WBP2NL: variants seen among roughly 807,000 people sequenced by gnomAD.
WBP2NL encodes postacrosomal sheath WW domain-binding protein.
In WBP2NL, 27 loss-of-function variants were observed where a neutral mutation model predicts 23.3. The observed-to-expected ratio is 1.16, with a 90% CI of 0.85 to 1.60. The LOEUF (loss-of-function observed/expected upper bound fraction) is 1.60. Among genes scored for constraint, WBP2NL ranks in the 40% most tolerant of loss-of-function variants. The probability of loss-of-function intolerance (pLI) is 0.00; values close to 1 mark genes in which losing one functional copy is unlikely to be tolerated. For synonymous variants in WBP2NL, 151 were observed against 145.9 expected (o/e 1.03, Z -0.25); for missense variants, 370 against 389.5 (o/e 0.95, Z 0.42).
intron 5 of WBP2NL, among the ~76,000 whole-genome samples, chr22:42,025,394 GGCCCAA>G (rs2146798885): frequency 1.3e-5 from 2 of 152,208 alleles, no homozygotes; most frequent in African/African-American, 4.8e-5. Flanking sequence ...TTTTATATGT[GGCCCAA>G]GACAATTCTT....
At chr22:42,050,423 A>G (rs544601981) in intron 8 of WBP2NL, among the ~76,000 whole-genome samples, 2 of 152,254 alleles carry the variant, frequency 1.3e-5, no homozygotes, top group South Asian at 4.1e-4. Context: ...AGGCAGGCGG[A>G]TCACCTGAGG....
At chr22:42,033,628 G>C (rs1192416651), downstream of WBP2NL, among the ~76,000 whole-genome samples, 1 of 152,112 alleles carries the variant, frequency 6.6e-6, no homozygotes. Flanking sequence ...GCTCCTATCT[G>C]CAGGCAGGTC....
rs1206322834 is a variant in WBP2NL at position 42,027,340 on chromosome 22, A to T, written c.*159A>T. ...ATCTTATGGGGGAAGGTGAAACTTT[A>T]CTTCTGTGCCTAGATTTTAGAAGCA... On this transcript the variant is annotated 3_prime_UTR_variant, in exon 6 of 6. Coordinates refer to ENST00000328823, the MANE Select transcript of WBP2NL (RefSeq NM_152613.3). 8.9e-6 allele frequency: 8 copies of T among 900,928 alleles called. No individual in the cohort carries two copies. Among genetic ancestry groups the T allele is most frequent in the African/African-American group, 1.7e-5 (1 of 59,538 alleles). The allele number at this position is 900,928 out of a possible 1,614,324, so 55.8% of individuals were successfully genotyped here. A position where few individuals can be genotyped will look rare whatever the true frequency, so the allele number is the denominator to read the frequency against.
chr22:42,002,527 T>G (rs1450840856), intron 1 of WBP2NL: 1 of 152,126 alleles, frequency 6.6e-6, no homozygotes, highest in African/African-American at 2.4e-5. Context: ...GAGGGGAGGT[T>G]GTAGTGAGCT....
chr22:41,999,172 G>T (rs1044898368), intron 1 of WBP2NL, among the ~76,000 whole-genome samples: 3 of 152,332 alleles, frequency 2.0e-5, no homozygotes, highest in African/African-American at 4.8e-5. Flanking sequence ...CGGGGAGGGG[G>T]TGCGAGACGC....
chr22:42,051,577 A>C (rs898793286), intron 8 of WBP2NL, among the ~76,000 whole-genome samples: 5 of 152,234 alleles, frequency 3.3e-5, no homozygotes, highest in Non-Finnish European at 5.9e-5. Flanking sequence ...GCAGGATGTT[A>C]ACAATAGGGG....
chr22:42,025,595 G>C (rs918449385), intron 5 of WBP2NL, among the ~76,000 whole-genome samples: 1 of 152,170 alleles, frequency 6.6e-6, no homozygotes, highest in East Asian at 1.9e-4. Flanking sequence ...CCATTGAATG[G>C]TCTTGGCATT....
chr22:42,006,257 G>C (rs1000602557), intron 1 of WBP2NL, among the ~76,000 whole-genome samples: 3 of 142,108 alleles, frequency 2.1e-5, no homozygotes, highest in Non-Finnish European at 4.5e-5. Flanking sequence ...GTCTCGCTCT[G>C]TCACCCAGGC....
chr22:42,035,480 G>A (rs539390094), downstream of WBP2NL, among the ~76,000 whole-genome samples: 288 of 152,364 alleles, frequency 1.9e-3, no homozygotes, highest in African/African-American at 6.6e-3. Flanking sequence ...CGGGTCTCGC[G>A]CTTGTCCCTG....
intron 1 of WBP2NL, among the ~76,000 whole-genome samples, chr22:42,018,855 A>ATAG (rs961532153): frequency 2.0e-5 from 3 of 151,982 alleles, no homozygotes; most frequent in African/African-American, 4.8e-5. Flanking sequence ...TTTCAATAAA[A>ATAG]TAGTAGTAGT....
In WBP2NL at chr22:42,027,334, AACTTT is replaced by A; in HGVS notation, c.*158_*162del. ...AGGGCAATCTTATGGGGGAAGGTGA[AACTTT>A]ACTTCTGTGCCTAGATTTTAGAAGC... On this transcript the variant is annotated 3_prime_UTR_variant, in exon 6 of 6. Coordinates refer to ENST00000328823, the MANE Select transcript of WBP2NL (RefSeq NM_152613.3). 2 of 963,516 alleles carry A rather than the reference AACTTT, an allele frequency of 2.1e-6. No individual in the cohort carries two copies. The highest frequency in any genetic ancestry group is 1.5e-6 in the Non-Finnish European group (1 of 684,756). The allele number at this position is 963,516 out of a possible 1,614,324, so 59.7% of individuals were successfully genotyped here.
At chr22:42,049,127 T>A (rs1017267081) in intron 8 of WBP2NL, among the ~76,000 whole-genome samples, 1 of 152,140 alleles carries the variant, frequency 6.6e-6, no homozygotes, top group Non-Finnish European at 1.5e-5. Context: ...GTTATAGTAA[T>A]CAAGACAATG....
At chr22:42,054,043 C>T (rs1447709254) in intron 8 of WBP2NL, among the ~76,000 whole-genome samples, 1 of 152,154 alleles carries the variant, frequency 6.6e-6, no homozygotes, top group Non-Finnish European at 1.5e-5. Flanking sequence ...CCTCCCATCC[C>T]AGCCTCCCAG....
intron 1 of WBP2NL, among the ~76,000 whole-genome samples, chr22:42,018,476 GAAAT>G (rs1923553288): frequency 6.6e-6 from 1 of 150,820 alleles, no homozygotes; most frequent in Non-Finnish European, 1.5e-5. Context: ...AGAGAAAGAA[GAAAT>G]AAGAAAAAGA....
intron 8 of WBP2NL, among the ~76,000 whole-genome samples, chr22:42,051,074 C>T (rs912687314): frequency 6.6e-6 from 1 of 152,096 alleles, no homozygotes; most frequent in Non-Finnish European, 1.5e-5. Flanking sequence ...ATTGCTGAAA[C>T]CTGGAAGCAA....
At chr22:42,013,695 G>A (rs1253825388) in intron 1 of WBP2NL, among the ~76,000 whole-genome samples, 4 of 152,014 alleles carry the variant, frequency 2.6e-5, no homozygotes, top group Admixed American at 1.3e-4. Flanking sequence ...CTGCAGCCTC[G>A]ACATCCCAGG....
downstream of WBP2NL, chr22:42,031,610 C>G (rs530965540): frequency 6.6e-6 from 1 of 152,286 alleles, no homozygotes; most frequent in South Asian, 2.1e-4. Flanking sequence ...AGTGGATGCT[C>G]CCCAGCCTGC....
At chr22:42,020,889 TATATATATATATATATATA>T (rs1211734788) in intron 4 of WBP2NL, among the ~76,000 whole-genome samples, 3 of 65,588 alleles carry the variant, frequency 4.6e-5, no homozygotes, top group Non-Finnish European at 6.1e-5. Flanking sequence ...TATATATATA[TATATATATATATATATATA>T]TTTTTTTTTT....
At chr22:42,052,380 G>A (rs1021054133) in intron 8 of WBP2NL, among the ~76,000 whole-genome samples, 4 of 152,054 alleles carry the variant, frequency 2.6e-5, no homozygotes, top group Admixed American at 1.3e-4. Flanking sequence ...CCTGGTTCCA[G>A]CGATTCTTGT....
Sources: allele counts gnomAD v4.1 joint callset (sites outside exome capture counted in the v4.1 genomes callset), GRCh38; gene constraint gnomAD v4.1.1; transcripts MANE v1.5; gene names NCBI Gene and HGNC (gene_info 2026-07-23, HGNC 2026-07-21).